The following PMVK variants were observed in gnomAD, a reference collection of about 807,000 sequenced individuals.
The protein encoded by PMVK is testis tissue sperm-binding protein Li 95mP.
In PMVK, 10 loss-of-function variants were observed where a neutral mutation model predicts 19.0. The ratio of observed to expected loss-of-function variants is 0.53; its 90% CI spans 0.32 to 0.89. The LOEUF is 0.89. Among genes scored for constraint, PMVK ranks in the 40% least tolerant of loss-of-function variants. The probability of loss-of-function intolerance (pLI) is 0.03; values close to 1 mark genes in which losing one functional copy is unlikely to be tolerated. For synonymous variants in PMVK, 108 were observed against 101.6 expected (o/e 1.06, Z -0.38); for missense variants, 222 against 251.1 (o/e 0.88, Z 0.78).
chr1:154,926,559 C>G, intron 3 of PMVK, 76 bp from the exon 4 acceptor site: 1 of 1,406,708 alleles, frequency 7.1e-7, no homozygotes, highest in Non-Finnish European at 9.9e-7. Context: ...ACTACAGAAC[C>G]CAGGGCAGTG....
At chr1:154,941,582 C>T (rs563629602), upstream of PMVK, among the ~76,000 whole-genome samples, 3 of 152,078 alleles carry the variant, frequency 2.0e-5, no homozygotes, top group Non-Finnish European at 4.4e-5. Context: ...TGGGAGGTTC[C>T]CATGGCAACA....
At position 154,925,249 on chromosome 1, in the gene PMVK, C is replaced by G. The variant is rs1166241869; in HGVS notation, c.459G>C (p.Glu153Asp). ...WVFTPGVDDA[E>D]SECGLDNFGD... ...CGAAGTTGTCCAGGCCACATTCTGA[C>G]TCAGCATCGTCCACCCCTATGAAGG... The change falls in exon 5 of 5, where the codon GAG becomes GAC. Residue 153 changes from glutamate to aspartate, a missense_variant. Coordinates refer to ENST00000368467, the MANE Select transcript of PMVK (RefSeq NM_006556.4). The G allele has an allele frequency of 1.2e-6, 2 of 1,614,210 alleles. No homozygotes were observed. The highest frequency in any genetic ancestry group is 1.7e-6 in the Non-Finnish European group (2 of 1,180,012).
chr1:154,926,583 T>G, intron 3 of PMVK, 100 bp from the exon 4 acceptor site: 52 of 949,768 alleles, frequency 5.5e-5, no homozygotes, highest in Non-Finnish European at 7.4e-5. Context: ...GGTGTGGCTC[T>G]ACCCCCCCAT....
chr1:154,933,596 C>T (rs1460580057), intron 1 of PMVK, among the ~76,000 whole-genome samples: 2 of 143,072 alleles, frequency 1.4e-5, no homozygotes, highest in Admixed American at 1.4e-4. Context: ...CAGGTTTGAG[C>T]GATTCTCCTG....
upstream of PMVK, among the ~76,000 whole-genome samples, chr1:154,939,898 G>A (rs1449935540): frequency 2.0e-5 from 3 of 151,772 alleles, no homozygotes; most frequent in Admixed American, 6.6e-5. Flanking sequence ...CTGAGTAGCT[G>A]GGACTACAGG....
chr1:154,929,723 C>T (rs183863875), intron 2 of PMVK, among the ~76,000 whole-genome samples: 169 of 152,132 alleles, frequency 1.1e-3, no homozygotes, highest in Non-Finnish European at 9.0e-4. Flanking sequence ...GCAAGGCCTC[C>T]CACACCCAGA....
chr1:154,929,091 T>C lies in PMVK; in HGVS notation c.245A>G (p.Glu82Gly). The C allele has an allele frequency of 6.2e-7, 1 of 1,614,170 alleles. No homozygotes were observed. Among genetic ancestry groups the C allele is most frequent in the Non-Finnish European group, 8.5e-7 (1 of 1,180,004 alleles). The change falls in exon 3 of 5, where the codon GAG (glutamate) becomes GGG (glycine). Residue 82 changes from glutamate to glycine, a missense_variant. Coordinates refer to ENST00000368467, the MANE Select transcript of PMVK (RefSeq NM_006556.4). ...FRKDMIRWGE[E>G]KRQADPGFFC... ...GAAGCCTGGGTCAGCCTGGCGTTTC[T>C]CCTCTCCCCAGCGGATCATGTCCTT...
chr1:154,925,085 A>ACCCCCCCCCCCCCCCCCCCC lies in PMVK; in HGVS notation c.*43_*44insGGGGGGGGGGGGGGGGGGGG. The stretch of plus-strand genomic sequence containing the variant: ...ACCCCCATTTTGCAGAGTCAGCCCC[A>ACCCCCCCCCCCCCCCCCCCC]CCCCCACCTCAGCAGGCCCCAGCTC... On this transcript the variant is annotated 3_prime_UTR_variant, in exon 5 of 5. Transcript: ENST00000368467. 2 of 660,708 alleles carry ACCCCCCCCCCCCCCCCCCCC rather than the reference A, an allele frequency of 3.0e-6. No individual in the cohort carries two copies. Among genetic ancestry groups the ACCCCCCCCCCCCCCCCCCCC allele is most frequent in the Non-Finnish European group, 4.3e-6 (2 of 469,426 alleles). 40.9% of individuals were successfully genotyped at this position (660,708 alleles called of 1,614,324 possible).
chr1:154,940,128 T>C (rs1035137762), upstream of PMVK, among the ~76,000 whole-genome samples: 3 of 152,226 alleles, frequency 2.0e-5, no homozygotes, highest in African/African-American at 7.2e-5. Context: ...AGTCCTGTCA[T>C]TCCAGATGAG....
upstream of PMVK, chr1:154,936,749 C>T (rs1452659735): frequency 1.4e-6 from 2 of 1,393,732 alleles, no homozygotes; most frequent in Middle Eastern, 1.9e-4. Flanking sequence ...ATCGGGACAC[C>T]GCGCGGAATG....
upstream of PMVK, among the ~76,000 whole-genome samples, chr1:154,940,950 C>A (rs761492535): frequency 6.6e-5 from 10 of 152,202 alleles, no homozygotes; most frequent in Non-Finnish European, 1.3e-4. Flanking sequence ...GCTTGCAAAG[C>A]CTTTTCATGT....
the PMVK span, among the ~76,000 whole-genome samples, chr1:154,941,995 G>T: frequency 1.3e-5 from 2 of 152,160 alleles, no homozygotes; most frequent in Non-Finnish European, 2.9e-5. Context: ...GCAGACTGGG[G>T]ACTACCAGGA....
In PMVK at chr1:154,929,119, G is replaced by C; in HGVS notation, c.217C>G (p.Arg73Gly). 1 of 1,614,076 alleles carries C rather than the reference G, an allele frequency of 6.2e-7. No homozygotes were observed. Among genetic ancestry groups the C allele is most frequent in the South Asian group, 1.1e-5 (1 of 91,084 alleles). The change falls in exon 3 of 5, where the codon CGG becomes GGG. Residue 73 changes from arginine (R) to glycine (G), a missense_variant. Arg to Gly is a moderately radical substitution (Grantham distance 125). Transcript: ENST00000368467. The part of the protein sequence containing the change: ...LDTSTYKEAF[R>G]KDMIRWGEEK... The stretch of plus-strand genomic sequence containing the variant: ...TCTCCCCAGCGGATCATGTCCTTCC[G>C]AAAGGCCTCCTTGTAGGTGCTGGTG...
At chr1:154,939,013 A>C (rs1054916205), upstream of PMVK, among the ~76,000 whole-genome samples, 1 of 152,004 alleles carries the variant, frequency 6.6e-6, no homozygotes, top group African/African-American at 2.4e-5. Flanking sequence ...AAGCCACTGC[A>C]CCCAGCCTCA....
chr1:154,942,274 C>T, the PMVK span, among the ~76,000 whole-genome samples: 1 of 152,250 alleles, frequency 6.6e-6, no homozygotes, highest in Non-Finnish European at 1.5e-5. Context: ...AGTGAGTCTA[C>T]CCACAAGCTC....
At chr1:154,926,841 C>CAAGT (rs1654179135) in intron 3 of PMVK, among the ~76,000 whole-genome samples, 1 of 152,158 alleles carries the variant, frequency 6.6e-6, no homozygotes, top group Non-Finnish European at 1.5e-5. Context: ...AGACACTGAA[C>CAAGT]AAGTATTCAG....
intron 4 of PMVK, among the ~76,000 whole-genome samples, chr1:154,925,667 A>G (rs1475253798): frequency 6.6e-6 from 1 of 152,268 alleles, no homozygotes; most frequent in East Asian, 1.9e-4. Context: ...GCAGAGGGTC[A>G]GGAGGCCAGC....
Position 154,932,401 on chromosome 1 carries a change from A to G in PMVK, c.110T>C (p.Val37Ala). The G allele has an allele frequency of 6.2e-7, 1 of 1,611,976 alleles. No individual in the cohort carries two copies. Among genetic ancestry groups the G allele is most frequent in the Non-Finnish European group, 8.5e-7 (1 of 1,178,830 alleles). ...ACCAGAGAGCCGGAGGACAGCACAG[A>G]CATCAGCTCCAAGTCTGCAGGACAG... ...EALQSRLGAD[V>A]CAVLRLSGPL... The change falls in exon 2 of 5, where the codon GTC becomes GCC. Residue 37 changes from valine (V) to alanine (A), a missense_variant. Coordinates refer to ENST00000368467, the MANE Select transcript of PMVK (RefSeq NM_006556.4).
upstream of PMVK, among the ~76,000 whole-genome samples, chr1:154,937,173 C>A: frequency 6.6e-6 from 1 of 152,174 alleles, no homozygotes; most frequent in East Asian, 1.9e-4. Flanking sequence ...TTGGAAACTG[C>A]CCTTTTGCCT....
Sources: allele counts gnomAD v4.1 joint callset (sites outside exome capture counted in the v4.1 genomes callset), GRCh38; gene constraint gnomAD v4.1.1; transcripts MANE v1.5; gene names NCBI Gene and HGNC (gene_info 2026-07-23, HGNC 2026-07-21).